The following CCDC178 variants were observed in gnomAD, a reference collection of about 807,000 sequenced individuals.
CCDC178 encodes coiled-coil domain-containing protein 178.
CCDC178 carries 126 observed loss-of-function variants against 117.4 expected under a neutral mutation model. The observed-to-expected ratio is 1.07, with a 90% confidence interval of 0.93 to 1.24. CCDC178 has a LOEUF of 1.24. Ranked by LOEUF, CCDC178 falls within the 50% of genes most tolerant of loss-of-function variation. The probability of loss-of-function intolerance (pLI) is 0.00; values close to 1 mark genes in which losing one functional copy is unlikely to be tolerated. For missense variants in CCDC178, 1,030 were observed against 986.9 expected (o/e 1.04, Z -0.59); for synonymous variants, 283 against 313.4 (o/e 0.90, Z 1.02).
intron 14 of CCDC178, among the ~76,000 whole-genome samples, chr18:33,249,023 A>G (rs936533131): frequency 7.2e-5 from 11 of 152,076 alleles, no homozygotes; most frequent in African/African-American, 2.4e-4. Flanking sequence ...GCCAGTGATG[A>G]TGAGCATTTT....
intron 7 of CCDC178, among the ~76,000 whole-genome samples, chr18:33,350,723 T>C (rs1365098576): frequency 6.6e-6 from 1 of 152,210 alleles, no homozygotes; most frequent in Non-Finnish European, 1.5e-5. Flanking sequence ...TGAATATAGA[T>C]GTTATACACA....
At chr18:33,091,191 G>GT (rs2057455746) in intron 21 of CCDC178, among the ~76,000 whole-genome samples, 1 of 152,052 alleles carries the variant, frequency 6.6e-6, no homozygotes, top group African/African-American at 2.4e-5. Flanking sequence ...TGTCAAATGC[G>GT]TGAAGTGATT....
chr18:33,301,454 T>C (rs1729074271), intron 11 of CCDC178, among the ~76,000 whole-genome samples: 2 of 152,196 alleles, frequency 1.3e-5, no homozygotes, highest in African/African-American at 4.8e-5. Flanking sequence ...AGATGGCTGC[T>C]ACCCTTCAGC....
chr18:33,137,948 C>A (rs556320061), intron 20 of CCDC178, among the ~76,000 whole-genome samples: 3 of 152,214 alleles, frequency 2.0e-5, no homozygotes, highest in Non-Finnish European at 4.4e-5. Flanking sequence ...GTGGACAAGG[C>A]GAACATTTAG....
rs1178113594 is a variant in CCDC178 at position 33,293,169 on chromosome 18, A to G, written c.1166T>C (p.Leu389Pro). ...TKSSKNELHSLSKMLEDLRRV... is the reference protein window; with the variant it reads ...TKSSKNELHSPSKMLEDLRRV... Reference sequence around the variant, plus strand: ...ATATGAAAAACTCACCATTTTTGATAGAGAATGTAATTCATTTTTTGATGA... The same window carrying G: ...ATATGAAAAACTCACCATTTTTGATGGAGAATGTAATTCATTTTTTGATGA... Residue 389 changes from leucine (L) to proline (P), a missense_variant, in exon 12 of 23, where the codon CTA becomes CCA. By Grantham distance (98) the Leu-to-Pro change is moderately conservative. Transcript: ENST00000383096. 5.7e-6 allele frequency: 9 copies of G among 1,570,102 alleles called. No individual in the cohort carries two copies. Among genetic ancestry groups the G allele is most frequent in the Non-Finnish European group, 6.9e-6 (8 of 1,156,506 alleles).
At chr18:33,245,631 C>T (rs2059541086) in intron 14 of CCDC178, among the ~76,000 whole-genome samples, 1 of 151,802 alleles carries the variant, frequency 6.6e-6, no homozygotes, top group Non-Finnish European at 1.5e-5. Flanking sequence ...AATTGTCAGG[C>T]TGTTTCCAAT....
intron 11 of CCDC178, among the ~76,000 whole-genome samples, chr18:33,320,078 T>G (rs2062483823): frequency 6.6e-6 from 1 of 152,154 alleles, no homozygotes; most frequent in Admixed American, 6.5e-5. Context: ...AATTAGGTAT[T>G]GATGGGACAT....
At chr18:33,235,107 G>A (rs2059411966) in intron 15 of CCDC178, among the ~76,000 whole-genome samples, 1 of 152,116 alleles carries the variant, frequency 6.6e-6, no homozygotes, top group Non-Finnish European at 1.5e-5. Flanking sequence ...TGTCTCAGAG[G>A]TGAACAAATA....
chr18:33,404,342 A>C (rs2063752612), intron 3 of CCDC178, among the ~76,000 whole-genome samples: 1 of 152,102 alleles, frequency 6.6e-6, no homozygotes, highest in Non-Finnish European at 1.5e-5. Flanking sequence ...AGTTTTCTAT[A>C]AACCTGAAAA....
At position 32,974,576 on chromosome 18, in the gene CCDC178, C is replaced by T. The variant is rs147677442; in HGVS notation, c.2494G>A (p.Glu832Lys). The change falls in exon 22 of 23, where the codon GAG (glutamate) becomes AAG (lysine). Residue 832 changes from glutamate to lysine, a missense_variant. Glu to Lys is a moderately conservative substitution (Grantham distance 56). Transcript: ENST00000383096. Reference protein sequence around the residue: ...RLANFQTDSQESIQKILAVQE... With the variant: ...RLANFQTDSQKSIQKILAVQE... ...ACAGCTAATATTTTCTGAATACTCT[C>T]CTGAGAGTCTGTCTGGAAGTTGGCC... 104 of 1,613,592 alleles carry T rather than the reference C, an allele frequency of 6.4e-5. No individual in the cohort carries two copies. The highest frequency in any genetic ancestry group is 8.7e-5 in the Non-Finnish European group (103 of 1,179,808).
intron 15 of CCDC178, 35 bp from the exon 16 acceptor site, chr18:33,226,890 C>T: frequency 8.6e-7 from 1 of 1,163,768 alleles, no homozygotes; most frequent in African/African-American, 1.6e-5. Context: ...TGAGGATTTT[C>T]TTCATAAAAC....
intron 14 of CCDC178, among the ~76,000 whole-genome samples, chr18:33,264,328 GGTAATTATCTCTTTGTCCTGA>G (rs1379345617): frequency 2.6e-5 from 4 of 151,880 alleles, no homozygotes; most frequent in African/African-American, 9.7e-5. Flanking sequence ...TATATGAATT[GGTAATTATCTCTTTGTCCTGA>G]GTTTTAATCT....
At chr18:33,087,949 A>G (rs2057406364) in intron 21 of CCDC178, among the ~76,000 whole-genome samples, 1 of 152,220 alleles carries the variant, frequency 6.6e-6, no homozygotes, top group Non-Finnish European at 1.5e-5. Context: ...GAGAAAACTT[A>G]TATAATCTAT....
At chr18:33,068,723 G>A (rs958855766) in intron 21 of CCDC178, among the ~76,000 whole-genome samples, 1 of 151,970 alleles carries the variant, frequency 6.6e-6, no homozygotes, top group African/African-American at 2.4e-5. Context: ...ATACTGCATG[G>A]GGAAAAGCTG....
chr18:32,940,657 C>T (rs563710474), intron 22 of CCDC178, among the ~76,000 whole-genome samples: 25 of 151,852 alleles, frequency 1.6e-4, no homozygotes, highest in South Asian at 8.3e-4. Context: ...TTATTTTTCC[C>T]GCTCCTCTCC....
chr18:32,986,421 T>C (rs2055264822), intron 21 of CCDC178, among the ~76,000 whole-genome samples: 1 of 152,064 alleles, frequency 6.6e-6, no homozygotes, highest in African/African-American at 2.4e-5. Context: ...AATCTTAAAC[T>C]GGGACACAAG....
intron 12 of CCDC178, among the ~76,000 whole-genome samples, chr18:33,278,504 T>A (rs59411907): frequency 0.069 from 10,405 of 151,858 alleles, 535 homozygotes; most frequent in African/African-American, 0.14. Context: ...ACATTTTTAT[T>A]TTATGCCTAA....
intron 21 of CCDC178, among the ~76,000 whole-genome samples, chr18:33,015,693 A>T (rs1295809720): frequency 6.6e-6 from 1 of 152,198 alleles, no homozygotes; most frequent in Non-Finnish European, 1.5e-5. Flanking sequence ...CAAAAATTTG[A>T]AATCAGTTAT....
intron 2 of CCDC178, among the ~76,000 whole-genome samples, chr18:33,438,757 C>G (rs1240513173): frequency 6.6e-6 from 1 of 152,132 alleles, no homozygotes; most frequent in East Asian, 1.9e-4. Flanking sequence ...TTTAAATATT[C>G]CAGTTGCTTA....
Sources: allele counts gnomAD v4.1 joint callset (sites outside exome capture counted in the v4.1 genomes callset), GRCh38; gene constraint gnomAD v4.1.1; transcripts MANE v1.5; gene names NCBI Gene and HGNC (gene_info 2026-07-23, HGNC 2026-07-21).